The following FCGR3A variants were observed in gnomAD, a reference collection of about 807,000 sequenced individuals.
The protein encoded by FCGR3A is low affinity immunoglobulin gamma Fc region receptor III-A.
Under a neutral mutation model 24.1 loss-of-function variants are expected in FCGR3A, and 13 were observed. That is an observed-to-expected ratio of 0.54 (90% CI 0.35 to 0.86). FCGR3A has a LOEUF of 0.86. FCGR3A is among the 40% of genes least tolerant of loss of function. The pLI is 0.01. For missense variants in FCGR3A, 235 were observed against 298.0 expected (o/e 0.79, Z 1.56); for synonymous variants, 93 against 112.2 (o/e 0.83, Z 1.08).
chr1:161,544,822 A>T lies in FCGR3A; in HGVS notation c.456T>A (p.His152Gln). The T allele has an allele frequency of 6.2e-7, 1 of 1,613,886 alleles. No homozygotes were observed. Among genetic ancestry groups the T allele is most frequent in the Non-Finnish European group, 8.5e-7 (1 of 1,179,894 alleles). The change falls in exon 4 of 5, where the codon CAT becomes CAA. Residue 152 changes from histidine to glutamine, a missense_variant. By Grantham distance (24) the His-to-Gln change is conservative (BLOSUM62 0). Coordinates refer to ENST00000443193, the MANE Select transcript of FCGR3A (RefSeq NM_000569.8). ...TTGGAATGTAGAAGTCAGAATTATG[A>T]TGAAAATACTTCCTGCCTTTGCCAT... ...LQNGKGRKYF[H>Q]HNSDFYIPKA...
At chr1:161,549,971 T>G (rs1290693816), upstream of FCGR3A, 1 of 1,066,130 alleles carries the variant, frequency 9.4e-7, no homozygotes, top group African/African-American at 1.6e-5. Context: ...TGGGTGGGTC[T>G]GCCCCCTTTA....
At position 161,544,710 on chromosome 1, in the gene FCGR3A, T is replaced by A. The variant is rs1432501926; in HGVS notation, c.568A>T (p.Ile190Phe). 6.2e-7 allele frequency: 1 copy of A among 1,611,506 alleles called. No individual in the cohort carries two copies. The highest frequency in any genetic ancestry group is 1.3e-5 in the African/African-American group (1 of 74,756). ...NVSSETVNIT[I>F]TQGLAVSTIS... ...GTGGCACATGTCTCACCTTGAGTGA[T>A]GGTGATGTTCACAGTCTCTGAAGAC... Residue 190 changes from isoleucine (I) to phenylalanine (F), a missense_variant, in exon 4 of 5, where the codon ATC (isoleucine) becomes TTC (phenylalanine). Coordinates refer to ENST00000443193, the MANE Select transcript of FCGR3A (RefSeq NM_000569.8).
Position 161,544,794 on chromosome 1 carries a change from C to T in FCGR3A, c.484G>A (p.Ala162Thr), listed in dbSNP as rs779006649. The change falls in exon 4 of 5, where the codon GCC (alanine) becomes ACC (threonine). Residue 162 changes from alanine to threonine, a missense_variant. Physicochemically the swap from Ala to Thr is moderately conservative, Grantham distance 58. Transcript: ENST00000443193. Reference sequence around the variant, plus strand: ...TAGGAGCCGCTGTCTTTGAGTGTGGCTTTTGGAATGTAGAAGTCAGAATTA... The same window carrying T: ...TAGGAGCCGCTGTCTTTGAGTGTGGTTTTTGGAATGTAGAAGTCAGAATTA... Reference protein sequence around the residue: ...HHNSDFYIPKATLKDSGSYFC... With the variant: ...HHNSDFYIPKTTLKDSGSYFC... 1 of 1,613,778 alleles carries T rather than the reference C, an allele frequency of 6.2e-7. No individual in the cohort carries two copies. The highest frequency in any genetic ancestry group is 1.7e-5 in the Admixed American group (1 of 59,984).
chr1:161,541,845 C>A lies in FCGR3A; in HGVS notation c.*1167G>T, dbSNP rs1205058488. ...GATCTTGTAAAATGCTTTATTGGAA[C>A]CAAGAAATGTTGCGCTTAAAGCTTA... On this transcript the variant is annotated 3_prime_UTR_variant, in exon 5 of 5. Transcript: ENST00000443193. 2.0e-5 allele frequency: 3 copies of A among 152,140 alleles called. No homozygotes were observed. Among genetic ancestry groups the A allele is most frequent in the Non-Finnish European group, 4.4e-5 (3 of 67,992 alleles). The allele number at this position is 152,140 out of a possible 1,614,324, so 9.4% of individuals were successfully genotyped here.
chr1:161,544,637 C>T, intron 4 of FCGR3A, 64 bp downstream of exon 4: 1 of 1,580,118 alleles, frequency 6.3e-7, no homozygotes. Flanking sequence ...ACTCAACTTC[C>T]CAGTGTGATT....
rs540640202 is a variant in FCGR3A at position 161,544,937 on chromosome 1, G to A, written c.341C>T (p.Pro114Leu). ...VHIGWLLLQAPRWVFKEEDPI... is the reference protein window; with the variant it reads ...VHIGWLLLQALRWVFKEEDPI... ...GTCTTCCTCCTTGAACACCCACCGAGGGGCCTGGAGCAACAGCCAGCCTGA... is the reference window on the plus strand; with the variant it reads ...GTCTTCCTCCTTGAACACCCACCGAAGGGCCTGGAGCAACAGCCAGCCTGA... Residue 114 changes from proline to leucine, a missense_variant, in exon 4 of 5, where the codon CCT becomes CTT. By Grantham distance (98) the Pro-to-Leu change is moderately conservative. Transcript: ENST00000443193. 3.1e-6 allele frequency: 5 copies of A among 1,610,936 alleles called. No individual in the cohort carries two copies. In the East Asian group the frequency reaches 1.1e-4, roughly 36 times the overall value.
chr1:161,544,587 A>G (rs1429394267), intron 4 of FCGR3A, 114 bp downstream of exon 4: 2 of 1,184,816 alleles, frequency 1.7e-6, no homozygotes, highest in Non-Finnish European at 2.4e-6. Context: ...AGGGAACCAC[A>G]TATGAAGAAG....
At chr1:161,546,641 C>G (rs1274674154) in intron 3 of FCGR3A, among the ~76,000 whole-genome samples, 1 of 151,950 alleles carries the variant, frequency 6.6e-6, no homozygotes, top group Non-Finnish European at 1.5e-5. Flanking sequence ...CGCGGTGGCT[C>G]ACATCTGTAA....
intron 4 of FCGR3A, 130 bp from the exon 5 acceptor site, chr1:161,543,329 G>A: frequency 9.2e-7 from 1 of 1,086,642 alleles, no homozygotes. Flanking sequence ...TGGTGGGGAA[G>A]TCTGGGGGAA....
chr1:161,550,063 TG>T (rs1487449120), upstream of FCGR3A: 11 of 599,260 alleles, frequency 1.8e-5, no homozygotes, highest in Middle Eastern at 8.0e-4. Context: ...CCAGGATGCT[TG>T]CCCCATCTCC....
rs949585419 is a variant in FCGR3A, at chr1:161,549,215, C to T, written c.41-184G>A. ...TGGTCTCCACTGTTCATGCCTCTTG[C>T]GCCACTGTCAACACAAATCCCTATT... On this transcript the variant is annotated intron_variant, in intron 1 of 4. Coordinates refer to ENST00000443193, the MANE Select transcript of FCGR3A (RefSeq NM_000569.8). 8.2e-4 allele frequency among the ~76,000 whole-genome samples: 124 copies of T among 151,042 alleles called. No individual in the cohort carries two copies. In the Middle Eastern group the frequency reaches 0.01, roughly 13 times the overall value.
At chr1:161,545,823 C>T in intron 3 of FCGR3A, 1 of 151,962 alleles carries the variant, frequency 6.6e-6, no homozygotes, top group East Asian at 1.9e-4. Flanking sequence ...ATTATAATGG[C>T]ATAAGAAAAT....
At position 161,543,199 on chromosome 1, in the gene FCGR3A, C is replaced by G; in HGVS notation, c.578G>C (p.Gly193Ala). The change falls in exon 5 of 5, where the codon GGT becomes GCT. Residue 193 changes from glycine (G) to alanine (A), a missense_variant and splice_region_variant. Transcript: ENST00000443193. ...SETVNITITQGLAVSTISSFF... is the reference protein window; with the variant it reads ...SETVNITITQALAVSTISSFF... ...TGATGAGATGGTTGACACTGCCAAA[C>G]CTATTAGGAGAAGTGGAGAGATGAA... The G allele has an allele frequency of 6.2e-7, 1 of 1,612,162 alleles. No homozygotes were observed. Among genetic ancestry groups the G allele is most frequent in the Non-Finnish European group, 8.5e-7 (1 of 1,179,092 alleles).
intron 3 of FCGR3A, 33 bp from the exon 4 acceptor site, chr1:161,544,991 C>T: frequency 6.3e-7 from 1 of 1,597,772 alleles, no homozygotes; most frequent in South Asian, 1.1e-5. Flanking sequence ...GCCCGGGAGG[C>T]CTCAGCTCTC....
chr1:161,549,606 C>A (rs200310043), intron 1 of FCGR3A, 91 bp downstream of exon 1: 1 of 1,425,776 alleles, frequency 7.0e-7, no homozygotes, highest in Non-Finnish European at 9.5e-7. Context: ...CCCATCCCTT[C>A]GTGGGAGTCT....
intron 3 of FCGR3A, among the ~76,000 whole-genome samples, chr1:161,547,220 T>C (rs1486023464): frequency 6.6e-6 from 1 of 152,174 alleles, no homozygotes; most frequent in Admixed American, 6.5e-5. Flanking sequence ...TGGACATATC[T>C]TCTTGTAGCT....
intron 3 of FCGR3A, among the ~76,000 whole-genome samples, chr1:161,547,896 C>T (rs1191428391): frequency 6.6e-6 from 1 of 152,292 alleles, no homozygotes; most frequent in Non-Finnish European, 1.5e-5. Flanking sequence ...ATGGTGAAAC[C>T]CTGTCTCTAC....
At chr1:161,547,332 C>A (rs987893736) in intron 3 of FCGR3A, among the ~76,000 whole-genome samples, 1 of 152,134 alleles carries the variant, frequency 6.6e-6, no homozygotes, top group Non-Finnish European at 1.5e-5. Flanking sequence ...TCTTGCAGAT[C>A]CACCTCCTTA....
intron 3 of FCGR3A, among the ~76,000 whole-genome samples, chr1:161,546,452 G>A (rs1677399029): frequency 6.6e-6 from 1 of 151,942 alleles, no homozygotes; most frequent in South Asian, 2.1e-4. Context: ...CCCAGATGAT[G>A]GGACATATAG....
Sources: gnomAD v4.1 joint callset for allele counts (sites outside exome capture counted in the v4.1 genomes callset) on GRCh38, gnomAD v4.1.1 for gene constraint, MANE v1.5 for transcripts, NCBI Gene and HGNC (gene_info 2026-07-23, HGNC 2026-07-21) for gene names.